The following CDK13 variants were observed in gnomAD, a reference collection of about 807,000 sequenced individuals.
The protein encoded by CDK13 is cyclin-dependent kinase 13.
In CDK13, 40 loss-of-function variants were observed where a neutral mutation model predicts 137.6. The ratio of observed to expected loss-of-function variants is 0.29; its 90% CI spans 0.23 to 0.38. The LOEUF is 0.38. CDK13 is among the 10% of genes least tolerant of loss of function. CDK13 has a pLI of 1.00. For synonymous variants in CDK13, 869 were observed against 760.1 expected, an observed-to-expected ratio of 1.14 and a Z score of -2.36; for missense variants, 1,704 against 1,951.8, an observed-to-expected ratio of 0.87 and a Z score of 2.39.
rs927741062 is a variant in CDK13 at position 40,014,058 on chromosome 7, C to CTT, written c.2353+12053_2353+12054dup. Among the ~76,000 whole-genome samples, 50 of 60,944 alleles carry CTT rather than the reference C, an allele frequency of 8.2e-4. 1 individual carries two copies. Among genetic ancestry groups the CTT allele is most frequent in the African/African-American group, 9.7e-4 (13 of 13,412 alleles). 40.0% of individuals were successfully genotyped at this position (60,944 alleles called of 152,430 possible). A position where few individuals can be genotyped will look rare whatever the true frequency, so the allele number is the denominator to read the frequency against. On this transcript the variant is annotated intron_variant, in intron 5 of 13. Coordinates refer to ENST00000181839, the MANE Select transcript of CDK13 (RefSeq NM_003718.5). ...TGATAGGCAAAAAATGCTGTCTTGT[C>CTT]TTTTTTTTTTTTTTTTTTTTTTTTT... is the stretch of plus-strand genomic sequence containing the variant.
At chr7:39,960,722 C>T (rs936330982) in intron 1 of CDK13, among the ~76,000 whole-genome samples, 2 of 151,984 alleles carry the variant, frequency 1.3e-5, no homozygotes, top group Admixed American at 1.3e-4. Flanking sequence ...TTACAGGCGC[C>T]TGCCACCATG....
chr7:39,994,525 G>A (rs1421922182), intron 2 of CDK13, among the ~76,000 whole-genome samples: 4 of 152,052 alleles, frequency 2.6e-5, no homozygotes, highest in Non-Finnish European at 5.9e-5. Flanking sequence ...TATTTTAGGG[G>A]CAGACAGTAA....
chr7:39,997,027 TGTTTA>T (rs1227678466), intron 2 of CDK13, among the ~76,000 whole-genome samples: 1 of 143,514 alleles, frequency 7.0e-6, no homozygotes, highest in Non-Finnish European at 1.5e-5. Context: ...ATGCAAAGCA[TGTTTA>T]GTTGATTTTC....
chr7:40,000,301 G>A (rs528651471), intron 4 of CDK13, among the ~76,000 whole-genome samples: 2 of 152,176 alleles, frequency 1.3e-5, no homozygotes, highest in Admixed American at 1.3e-4. Context: ...AGGGAGTGGA[G>A]GTTGTAGTGA....
At chr7:40,001,292 A>G (rs1415055188) in intron 4 of CDK13, among the ~76,000 whole-genome samples, 1 of 148,112 alleles carries the variant, frequency 6.8e-6, no homozygotes, top group Non-Finnish European at 1.5e-5. Context: ...GCGTGTCGTG[A>G]TCTTGGCTCA....
At chr7:40,069,140 C>A (rs1786353440) in intron 9 of CDK13, among the ~76,000 whole-genome samples, 1 of 152,126 alleles carries the variant, frequency 6.6e-6, no homozygotes, top group African/African-American at 2.4e-5. Context: ...GGCTGCGGTA[C>A]AAGGATCACC....
chr7:40,051,532 T>C (rs971906579), intron 7 of CDK13, among the ~76,000 whole-genome samples: 10 of 152,242 alleles, frequency 6.6e-5, no homozygotes, highest in African/African-American at 2.4e-4. Context: ...GTAATACTCA[T>C]GCAAGTATAA....
rs1002332255 is a variant in CDK13 at position 39,950,395 on chromosome 7, G to A, written c.-247G>A. The A allele has an allele frequency of 8.1e-7, 1 of 1,227,438 alleles. No homozygotes were observed. The highest frequency in any genetic ancestry group is 1.0e-6 in the Non-Finnish European group (1 of 985,206). The allele number at this position is 1,227,438 out of a possible 1,614,324, so 76.0% of individuals were successfully genotyped here. On this transcript the variant is annotated 5_prime_UTR_variant, in exon 1 of 14. Coordinates refer to ENST00000181839, the MANE Select transcript of CDK13 (RefSeq NM_003718.5). ...TTTTCGCTGCCGAGGATAGGACGACGAGCGCAATCGGGAGCTCCGCCGCCC... is the reference window on the plus strand; with the variant it reads ...TTTTCGCTGCCGAGGATAGGACGACAAGCGCAATCGGGAGCTCCGCCGCCC...
intron 1 of CDK13, chr7:39,952,829 CTTT>C (rs4051944): frequency 6.6e-6 from 1 of 151,620 alleles, no homozygotes; most frequent in Admixed American, 6.6e-5. Context: ...GCTTTCTTGC[CTTT>C]TTTGTTATAT....
At chr7:40,031,885 T>C (rs1053602457) in intron 5 of CDK13, among the ~76,000 whole-genome samples, 9 of 150,120 alleles carry the variant, frequency 6.0e-5, no homozygotes, top group South Asian at 4.2e-4. Context: ...TGGGGTCTTG[T>C]TATGTTGCCC....
Position 39,999,347 on chromosome 7 carries a change from A to C in CDK13, c.2043-14A>C. 6.3e-7 allele frequency: 1 copy of C among 1,591,772 alleles called. No individual in the cohort carries two copies. The highest frequency in any genetic ancestry group is 1.2e-5 in the South Asian group (1 of 86,830). ...CTTGATTGTATATAAAAACTTTAGA[A>C]CTATATTTGATAGAATATGTGGGCC... On this transcript the variant is annotated splice_polypyrimidine_tract_variant and intron_variant, in intron 3 of 13. Coordinates refer to ENST00000181839, the MANE Select transcript of CDK13 (RefSeq NM_003718.5).
intron 1 of CDK13, chr7:39,987,212 A>C (rs1298859120): frequency 1.2e-5 from 2 of 162,358 alleles, no homozygotes; most frequent in African/African-American, 4.8e-5. Context: ...CTGAACTTAC[A>C]GTTGAGGAAG....
chr7:40,088,688 G>GA (rs779901585), intron 12 of CDK13, among the ~76,000 whole-genome samples: 13 of 152,180 alleles, frequency 8.5e-5, no homozygotes, highest in Non-Finnish European at 1.9e-4. Context: ...AAAGGTATAA[G>GA]AAAACAGCCA....
chr7:40,010,885 G>C (rs762735130), intron 5 of CDK13, among the ~76,000 whole-genome samples: 61 of 151,808 alleles, frequency 4.0e-4, no homozygotes, highest in Non-Finnish European at 1.6e-4. Context: ...GAACAAAGTA[G>C]AATTAAGAAA....
chr7:39,987,617 A>T lies in CDK13; in HGVS notation c.1230A>T (p.Arg410=), dbSNP rs1219879575. 6.3e-7 allele frequency: 1 copy of T among 1,590,538 alleles called. No homozygotes were observed. Among genetic ancestry groups the T allele is most frequent in the South Asian group, 1.2e-5 (1 of 86,148 alleles). Residue 410 remains arginine, a synonymous_variant, in exon 2 of 14, where the codon CGA becomes CGT. Transcript: ENST00000181839. ...TCACCAGACGGTCTGGAAAATCCCG[A>T]AGCAGAAGCCCGTATTCATCTAGGC... ...SPVLRRSGKS[R]SRSPYSSRHS...
At chr7:39,960,783 C>T (rs1787593544) in intron 1 of CDK13, among the ~76,000 whole-genome samples, 1 of 151,440 alleles carries the variant, frequency 6.6e-6, no homozygotes, top group African/African-American at 2.4e-5. Flanking sequence ...CCATGTTGGC[C>T]AGGCTGGTCT....
intron 1 of CDK13, among the ~76,000 whole-genome samples, chr7:39,976,321 T>TCACACACACACACA (rs1248415358): frequency 1.3e-3 from 47 of 35,996 alleles, no homozygotes; most frequent in Non-Finnish European, 2.8e-3. Flanking sequence ...TCTCTCTCTC[T>TCACACACACACACA]CTCACACACA....
intron 2 of CDK13, among the ~76,000 whole-genome samples, chr7:39,992,070 TACACACACACACACAC>T (rs148046155): frequency 0.45 from 66,675 of 146,942 alleles, 16,821 homozygotes; most frequent in East Asian, 0.59. Context: ...GAAAAAATTA[TACACACACACACACAC>T]ACACACACAC....
At chr7:40,038,155 G>GT (rs1268747087) in intron 5 of CDK13, among the ~76,000 whole-genome samples, 4 of 151,760 alleles carry the variant, frequency 2.6e-5, no homozygotes, top group Non-Finnish European at 5.9e-5. Context: ...TTAAATGTTT[G>GT]TTTCATCCTC....
Sources: gnomAD v4.1 joint callset for allele counts (sites outside exome capture counted in the v4.1 genomes callset) on GRCh38, gnomAD v4.1.1 for gene constraint, MANE v1.5 for transcripts, NCBI Gene and HGNC (gene_info 2026-07-23, HGNC 2026-07-21) for gene names.